Variants in DGKD observed in about 807,000 individuals in gnomAD.
DGKD encodes diacylglycerol kinase delta.
DGKD carries 68 observed loss-of-function variants against 154.4 expected under a neutral mutation model. The observed-to-expected ratio is 0.44, with a 90% CI of 0.36 to 0.54. DGKD has a LOEUF of 0.54. DGKD is among the 20% of genes least tolerant of loss of function. The pLI is 0.00. For missense variants in DGKD, 1,343 were observed against 1,593.6 expected (o/e 0.84, Z 2.68); for synonymous variants, 693 against 638.0 (o/e 1.09, Z -1.30).
At chr2:233,447,049 G>A (rs914342204) in intron 12 of DGKD, among the ~76,000 whole-genome samples, 2 of 152,168 alleles carry the variant, frequency 1.3e-5, no homozygotes, top group East Asian at 1.9e-4. Context: ...TGGTGGGGTG[G>A]TCCTCCTAAT....
intron 1 of DGKD, among the ~76,000 whole-genome samples, chr2:233,385,250 G>T (rs1158085071): frequency 3.9e-5 from 6 of 152,188 alleles, no homozygotes; most frequent in Non-Finnish European, 8.8e-5. Context: ...GGTAGTCTTG[G>T]ACCTGTGGGC....
chr2:233,453,527 A>G (rs77622229), intron 18 of DGKD, among the ~76,000 whole-genome samples: 4 of 152,216 alleles, frequency 2.6e-5, no homozygotes, highest in African/African-American at 9.6e-5. Flanking sequence ...ACACTGACAC[A>G]TGCTGGTTGT....
At chr2:233,420,027 C>A (rs769308429) in intron 3 of DGKD, among the ~76,000 whole-genome samples, 1 of 152,140 alleles carries the variant, frequency 6.6e-6, no homozygotes, top group Non-Finnish European at 1.5e-5. Context: ...GGAATTGACT[C>A]TGGGATGAGA....
chr2:233,451,220 TAAAAAC>T (rs1225713503), intron 17 of DGKD, among the ~76,000 whole-genome samples, 170 bp downstream of exon 17: 32 of 146,252 alleles, frequency 2.2e-4, no homozygotes, highest in African/African-American at 3.2e-4. Context: ...TTTTTTTTTT[TAAAAAC>T]AAAAAACAAA....
chr2:233,408,127 C>T (rs1021263910), intron 3 of DGKD, among the ~76,000 whole-genome samples: 1 of 151,274 alleles, frequency 6.6e-6, no homozygotes, highest in Non-Finnish European at 1.5e-5. Flanking sequence ...ACTGCAACCT[C>T]CGCCTCCCGG....
intron 1 of DGKD, among the ~76,000 whole-genome samples, chr2:233,383,043 T>TC (rs1702981814): frequency 6.6e-6 from 1 of 150,830 alleles, no homozygotes; most frequent in South Asian, 2.1e-4. Context: ...TTTCTTTCTT[T>TC]CTTTTTTTTT....
chr2:233,450,823 C>G, intron 16 of DGKD, 99 bp from the exon 17 acceptor site: 1 of 1,478,386 alleles, frequency 6.8e-7, no homozygotes, highest in Non-Finnish European at 9.2e-7. Context: ...GCAGCCCTCC[C>G]TCCTCAGCCC....
chr2:233,438,327 C>T lies in DGKD; in HGVS notation c.1033C>T (p.Leu345=). The stretch of plus-strand genomic sequence containing the variant: ...GAAGTTCCTCAGAAGATTCAAACAG[C>T]TACTAAACCCCGCCCAGGTCTTCGA... ...GVKFLRRFKQ[L]LNPAQVFDLM... The change falls in exon 9 of 30, where the codon CTA becomes TTA. Residue 345 remains leucine, a synonymous_variant. Transcript: ENST00000264057. This position sits in a 1 kb window ranked among gnomAD's most constrained non-coding sequence, Gnocchi z 4.1. 1 of 1,614,214 alleles carries T rather than the reference C, an allele frequency of 6.2e-7. No individual in the cohort carries two copies. The highest frequency in any genetic ancestry group is 8.5e-7 in the Non-Finnish European group (1 of 1,180,032).
intron 1 of DGKD, among the ~76,000 whole-genome samples, chr2:233,377,417 G>A (rs1559482210): frequency 6.6e-6 from 1 of 152,140 alleles, no homozygotes; most frequent in Non-Finnish European, 1.5e-5. Context: ...GTTCTGCACA[G>A]TTATCTTTTT....
At chr2:233,406,568 C>T (rs1185526270) in intron 3 of DGKD, among the ~76,000 whole-genome samples, 2 of 152,164 alleles carry the variant, frequency 1.3e-5, no homozygotes, top group Non-Finnish European at 2.9e-5. Flanking sequence ...AAGTGTGTTG[C>T]CTGGTAGGAG....
At chr2:233,405,088 A>G (rs2061650445) in intron 3 of DGKD, among the ~76,000 whole-genome samples, 1 of 152,240 alleles carries the variant, frequency 6.6e-6, no homozygotes, top group Non-Finnish European at 1.5e-5. Flanking sequence ...GATCAAAAAT[A>G]AAGGGTGTTT....
intron 29 of DGKD, among the ~76,000 whole-genome samples, chr2:233,468,901 C>A (rs750867752): frequency 6.6e-6 from 1 of 152,240 alleles, no homozygotes; most frequent in Admixed American, 6.5e-5. Flanking sequence ...TGCTGCCACT[C>A]GTCTGCAGGG....
rs1255813052 is a variant in DGKD at position 233,469,658 on chromosome 2, G to A, written c.*198G>A. On this transcript the variant is annotated 3_prime_UTR_variant, in exon 30 of 30. Transcript: ENST00000264057. ...CCGTCCACCAGAGCTCTGGGGTCTC[G>A]AACATAACAACACAGCTACCTTTGA... 22 of 587,238 alleles carry A rather than the reference G, an allele frequency of 3.7e-5. No homozygotes were observed. The highest frequency in any genetic ancestry group is 3.7e-4 in the South Asian group (18 of 48,694). 36.4% of individuals were successfully genotyped at this position (587,238 alleles called of 1,614,324 possible).
intron 23 of DGKD, 124 bp from the exon 24 acceptor site, chr2:233,460,070 A>T (rs2063576795): frequency 6.6e-5 from 10 of 150,528 alleles, no homozygotes; most frequent in East Asian, 3.8e-4. Flanking sequence ...CCCTAATGTT[A>T]AAAAAAAAAA....
At chr2:233,460,394 TG>T (rs879891748) in intron 24 of DGKD, 49 bp downstream of exon 24, 3 of 1,603,572 alleles carry the variant, frequency 1.9e-6, no homozygotes, top group Non-Finnish European at 2.6e-6. Flanking sequence ...CCAGGGTCCC[TG>T]GGACTGCACT....
intron 1 of DGKD, among the ~76,000 whole-genome samples, chr2:233,360,561 A>T (rs1024088877): frequency 3.3e-5 from 5 of 151,226 alleles, no homozygotes; most frequent in East Asian, 3.9e-4. Context: ...CCTGGCCAAA[A>T]TTTTTTATTT....
At chr2:233,418,288 CA>C (rs1314968736) in intron 3 of DGKD, among the ~76,000 whole-genome samples, 1 of 152,124 alleles carries the variant, frequency 6.6e-6, no homozygotes, top group Non-Finnish European at 1.5e-5. Flanking sequence ...ATGGCCAGCC[CA>C]TGTTGGGGCA....
At chr2:233,444,801 G>A (rs1015011516) in intron 10 of DGKD, among the ~76,000 whole-genome samples, 3 of 151,506 alleles carry the variant, frequency 2.0e-5, no homozygotes, top group African/African-American at 4.9e-5. Context: ...TGGGCAGAGG[G>A]CTGTACGGTG....
chr2:233,408,414 A>T (rs1465606001), intron 3 of DGKD, among the ~76,000 whole-genome samples: 1 of 152,234 alleles, frequency 6.6e-6, no homozygotes, highest in Non-Finnish European at 1.5e-5. Context: ...CAGGTCTGGG[A>T]CAGGGAGAAT....
Sources: gnomAD v4.1 joint callset for allele counts (sites outside exome capture counted in the v4.1 genomes callset) on GRCh38, gnomAD v4.1.1 for gene constraint, Gnocchi (gnomAD v3.1) non-coding constraint, MANE v1.5 for transcripts, NCBI Gene and HGNC (gene_info 2026-07-23, HGNC 2026-07-21) for gene names.